Variants in MEGF6 observed in about 807,000 individuals in gnomAD.
MEGF6 encodes multiple epidermal growth factor-like domains protein 6.
Under a neutral mutation model 207.1 loss-of-function variants are expected in MEGF6, and 184 were observed. That is an observed-to-expected ratio of 0.89 (90% CI 0.79 to 1.00). The LOEUF is 1.00. MEGF6 is among the 50% of genes least tolerant of loss of function. The probability of loss-of-function intolerance (pLI) is 0.00; values close to 1 mark genes in which losing one functional copy is unlikely to be tolerated. For synonymous variants in MEGF6, 1,038 were observed against 910.0 expected, an observed-to-expected ratio of 1.14 and a Z score of -2.53; for missense variants, 2,282 against 2,202.9, an observed-to-expected ratio of 1.04 and a Z score of -0.72.
intron 14 of MEGF6, among the ~76,000 whole-genome samples, chr1:3,506,903 C>T (rs947344): frequency 0.21 from 32,301 of 152,208 alleles, 4,199 homozygotes; most frequent in East Asian, 0.44. Flanking sequence ...AGGCGGAAGC[C>T]GAGACAGAAA....
At chr1:3,562,421 CTCA>C (rs1643230032) in intron 4 of MEGF6, among the ~76,000 whole-genome samples, 1 of 152,166 alleles carries the variant, frequency 6.6e-6, no homozygotes, top group African/African-American at 2.4e-5. Context: ...TGATTTCTGA[CTCA>C]TGTGGGGTCC....
intron 21 of MEGF6, among the ~76,000 whole-genome samples, chr1:3,500,277 C>A (rs1181261210): frequency 1.3e-5 from 2 of 152,244 alleles, no homozygotes; most frequent in African/African-American, 4.8e-5. Context: ...CCCCCAGGTG[C>A]CAGGCCTCCC....
chr1:3,552,653 A>T (rs1035037678), intron 4 of MEGF6, among the ~76,000 whole-genome samples: 1 of 152,214 alleles, frequency 6.6e-6, no homozygotes, highest in African/African-American at 2.4e-5. Context: ...CGGTATGGTC[A>T]CACCACGGCA....
intron 3 of MEGF6, among the ~76,000 whole-genome samples, chr1:3,582,907 G>T (rs1465598197): frequency 6.6e-6 from 1 of 152,172 alleles, no homozygotes; most frequent in South Asian, 2.1e-4. Flanking sequence ...CACTTCCCAT[G>T]CCAGGCCCTG....
At chr1:3,517,872 T>C (rs1202041580) in intron 5 of MEGF6, among the ~76,000 whole-genome samples, 1 of 152,218 alleles carries the variant, frequency 6.6e-6, no homozygotes, top group East Asian at 1.9e-4. Context: ...CAAGCCCTAC[T>C]GTGTCTTTCA....
chr1:3,492,534 C>A, intron 35 of MEGF6, 105 bp downstream of exon 35: 1 of 1,517,090 alleles, frequency 6.6e-7, no homozygotes, highest in South Asian at 1.2e-5. Context: ...ATAGGGTGAC[C>A]CGGCCAACTC....
At chr1:3,512,323 AC>A (rs1259025328) in intron 7 of MEGF6, among the ~76,000 whole-genome samples, 195 bp from the exon 8 acceptor site, 2 of 152,360 alleles carry the variant, frequency 1.3e-5, no homozygotes, top group African/African-American at 4.8e-5. Flanking sequence ...AGAAGTTGGC[AC>A]CCACACAGGT....
chr1:3,502,632 G>C (rs1279639691), intron 17 of MEGF6, among the ~76,000 whole-genome samples: 1 of 152,130 alleles, frequency 6.6e-6, no homozygotes, highest in African/African-American at 2.4e-5. Flanking sequence ...AGGCCAGGGA[G>C]TCACAGCATC....
intron 35 of MEGF6, 42 bp downstream of exon 35, chr1:3,492,597 G>A: frequency 6.3e-7 from 1 of 1,594,810 alleles, no homozygotes; most frequent in Non-Finnish European, 8.6e-7. Flanking sequence ...GGCTGATTGG[G>A]GGATGGTGCC....
rs886775845 is a variant in MEGF6 at position 3,504,306 on chromosome 1, C to T, written c.2188+902G>A. Among the ~76,000 whole-genome samples, 4 of 152,264 alleles carry T rather than the reference C, an allele frequency of 2.6e-5. No homozygotes were observed. The South Asian group carries it at 6.2e-4, about 24-fold the overall frequency. ...CTCCGACCTGCCCAGGCCCTGTTGG[C>T]GGCCGCTGCGGCAGCTCCATTACTC... On this transcript the variant is annotated intron_variant, in intron 17 of 36. Coordinates refer to ENST00000356575, the MANE Select transcript of MEGF6 (RefSeq NM_001409.4).
At chr1:3,617,096 G>C in the MEGF6 span, among the ~76,000 whole-genome samples, 30 of 148,768 alleles carry the variant, frequency 2.0e-4, no homozygotes, top group African/African-American at 7.5e-4. Context: ...CTCCAACCCC[G>C]GACACACAGG....
the MEGF6 span, among the ~76,000 whole-genome samples, chr1:3,618,591 C>T: frequency 2.2e-4 from 34 of 152,246 alleles, no homozygotes; most frequent in East Asian, 6.2e-3. The surrounding 1 kb of genome is among the most constrained non-coding windows in gnomAD (Gnocchi z 4.7). Context: ...CAAACCCATC[C>T]GAAAGGCCCC....
At chr1:3,523,077 G>C (rs1001727146) in intron 5 of MEGF6, among the ~76,000 whole-genome samples, 49 of 146,914 alleles carry the variant, frequency 3.3e-4, no homozygotes, top group Non-Finnish European at 4.3e-4. Flanking sequence ...TGTGTGCCGG[G>C]GGGGGGGCCC....
rs373804687 is a variant in MEGF6, at chr1:3,531,938, T to C, written c.482-7692A>G. Reference sequence around the variant, plus strand: ...AAGCTGCAGCACCGATGTGGAAACATGGGCTGAGACACCCCCAGTCCCCAC... The same window carrying C: ...AAGCTGCAGCACCGATGTGGAAACACGGGCTGAGACACCCCCAGTCCCCAC... On this transcript the variant is annotated intron_variant, in intron 4 of 36. Coordinates refer to ENST00000356575, the MANE Select transcript of MEGF6 (RefSeq NM_001409.4). 1.9e-3 allele frequency among the ~76,000 whole-genome samples: 291 copies of C among 152,222 alleles called. 2 individuals are homozygous for C. Among genetic ancestry groups the C allele is most frequent in the Admixed American group, 5.5e-3 (84 of 15,304 alleles).
At position 3,580,007 on chromosome 1, in the gene MEGF6, G is replaced by A. The variant is rs542730381; in HGVS notation, c.377-78C>T. On this transcript the variant is annotated intron_variant, in intron 3 of 36. Transcript: ENST00000356575. Reference sequence around the variant, plus strand: ...GGGAGGTGAGGCCTGAGGGTCTCTCGGGCAGGCAGCCCACCCAGCCTGCCA... The same window carrying A: ...GGGAGGTGAGGCCTGAGGGTCTCTCAGGCAGGCAGCCCACCCAGCCTGCCA... 107 of 1,083,636 alleles carry A rather than the reference G, an allele frequency of 9.9e-5. No individual in the cohort carries two copies. The Admixed American group carries it at 1.3e-3, about 13-fold the overall frequency. The allele number at this position is 1,083,636 out of a possible 1,614,324, so 67.1% of individuals were successfully genotyped here. A position where few individuals can be genotyped will look rare whatever the true frequency, so the allele number is the denominator to read the frequency against.
chr1:3,550,978 G>A (rs534725315), intron 4 of MEGF6, among the ~76,000 whole-genome samples: 2 of 152,378 alleles, frequency 1.3e-5, no homozygotes, highest in Non-Finnish European at 2.9e-5. Context: ...GCCAGGGCTG[G>A]GCAGCTGCCT....
chr1:3,610,444 G>A (rs1644308939), intron 1 of MEGF6, among the ~76,000 whole-genome samples: 1 of 152,178 alleles, frequency 6.6e-6, no homozygotes, highest in Non-Finnish European at 1.5e-5. Flanking sequence ...GCAAGGCCAG[G>A]GAGTGCTGGG....
At chr1:3,593,349 G>A (rs79595966) in intron 3 of MEGF6, among the ~76,000 whole-genome samples, 5,113 of 152,224 alleles carry the variant, frequency 0.034, 130 homozygotes, top group Middle Eastern at 0.054. Context: ...AGCCCAGCTC[G>A]GGGCTCGGAG....
chr1:3,598,335 C>T (rs974836478), intron 2 of MEGF6, among the ~76,000 whole-genome samples: 1 of 152,204 alleles, frequency 6.6e-6, no homozygotes, highest in East Asian at 1.9e-4. Flanking sequence ...GGCCGCTTCC[C>T]GGAAGCACGT....
Sources: gnomAD v4.1 joint callset for allele counts (sites outside exome capture counted in the v4.1 genomes callset) on GRCh38, gnomAD v4.1.1 for gene constraint, Gnocchi (gnomAD v3.1) non-coding constraint, MANE v1.5 for transcripts, NCBI Gene and HGNC (gene_info 2026-07-23, HGNC 2026-07-21) for gene names.